The following SLC29A3 variants were observed in gnomAD, a reference collection of about 807,000 sequenced individuals.
SLC29A3 encodes solute carrier family 29 member 3, also known as equilibrative nucleoside transporter 3.
SLC29A3 carries 18 observed loss-of-function variants against 25.4 expected under a neutral mutation model. The observed-to-expected ratio is 0.71, with a 90% CI of 0.49 to 1.05. SLC29A3 has a LOEUF of 1.05. Ranked by LOEUF, SLC29A3 falls within the 50% of genes least tolerant of loss-of-function variation. SLC29A3 has a pLI of 0.00. For missense variants in SLC29A3, 586 were observed against 609.0 expected (o/e 0.96, Z 0.40); for synonymous variants, 258 against 267.1 (o/e 0.97, Z 0.33).
chr10:71,329,198 A>G (rs1458181833), intron 2 of SLC29A3, among the ~76,000 whole-genome samples: 1 of 152,198 alleles, frequency 6.6e-6, no homozygotes, highest in East Asian at 1.9e-4. Context: ...ATTTGCTAGC[A>G]AGTGATAGAA....
chr10:71,349,476 G>A (rs533963979), intron 3 of SLC29A3, among the ~76,000 whole-genome samples: 5 of 152,168 alleles, frequency 3.3e-5, no homozygotes, highest in African/African-American at 1.2e-4. Flanking sequence ...ATCCTATGTG[G>A]GTCACATGCT....
chr10:71,325,503 A>C (rs965528416), intron 2 of SLC29A3, among the ~76,000 whole-genome samples: 1 of 152,140 alleles, frequency 6.6e-6, no homozygotes, highest in Non-Finnish European at 1.5e-5. Flanking sequence ...CTGGGGTGTG[A>C]ACATTGATAT....
intron 2 of SLC29A3, among the ~76,000 whole-genome samples, chr10:71,333,316 AG>A (rs1846164052): frequency 1.3e-5 from 2 of 152,358 alleles, no homozygotes; most frequent in Admixed American, 1.3e-4. Flanking sequence ...GTGGAGGCAG[AG>A]GACAGCTGCT....
intron 3 of SLC29A3, among the ~76,000 whole-genome samples, chr10:71,348,962 A>T (rs1053424591): frequency 6.6e-6 from 1 of 152,288 alleles, no homozygotes; most frequent in East Asian, 1.9e-4. Flanking sequence ...CCTGCTGGGG[A>T]TCTTGGAGAG....
At chr10:71,365,235 AAG>A (rs1387091973), downstream of SLC29A3, 2 of 152,238 alleles carry the variant, frequency 1.3e-5, no homozygotes, top group Non-Finnish European at 2.9e-5. Context: ...CCGTCTCAAA[AAG>A]AAAAAAAGAA....
chr10:71,333,661 G>T (rs532434734), intron 2 of SLC29A3, among the ~76,000 whole-genome samples: 2 of 152,382 alleles, frequency 1.3e-5, no homozygotes, highest in South Asian at 4.1e-4. Flanking sequence ...GGATGCAGAA[G>T]CCTGCCCGGT....
rs749471122 is a variant in SLC29A3 at position 71,362,652 on chromosome 10, TGAGAA to T, written c.*49_*53del. ...ATTGGTGCTTCAGAGCCTTTGAAGA[TGAGAA>T]GAGAGTGCAGGAGGGCTGGGGGCCA... On this transcript the variant is annotated 3_prime_UTR_variant, in exon 6 of 6. Transcript: ENST00000373189. 3.3e-5 allele frequency: 53 copies of T among 1,612,716 alleles called. 1 individual carries two copies. In the South Asian group the frequency reaches 5.1e-4, roughly 15 times the overall value.
intron 4 of SLC29A3, among the ~76,000 whole-genome samples, chr10:71,376,658 C>CAAT (rs2131860742): frequency 6.6e-6 from 1 of 152,300 alleles, no homozygotes; most frequent in East Asian, 1.9e-4. Flanking sequence ...AGAGTTTATT[C>CAAT]AAGCCCAAAG....
At chr10:71,339,126 C>A (rs996197229) in intron 2 of SLC29A3, among the ~76,000 whole-genome samples, 1 of 152,252 alleles carries the variant, frequency 6.6e-6, no homozygotes, top group Non-Finnish European at 1.5e-5. Flanking sequence ...AATTCCTCTA[C>A]CTCTGTGAGC....
intron 3 of SLC29A3, among the ~76,000 whole-genome samples, chr10:71,347,364 AAG>A (rs1013469804): frequency 6.6e-5 from 10 of 152,130 alleles, no homozygotes; most frequent in African/African-American, 2.4e-4. Flanking sequence ...CAGCCTCTCC[AAG>A]AGTCTTCACA....
downstream of SLC29A3, among the ~76,000 whole-genome samples, chr10:71,364,089 C>T (rs1345769221): frequency 6.6e-6 from 1 of 152,094 alleles, no homozygotes; most frequent in Non-Finnish European, 1.5e-5. Context: ...AATAAATTCC[C>T]TCCATTCATC....
At chr10:71,369,837 G>T (rs1442018789) in intron 3 of SLC29A3, among the ~76,000 whole-genome samples, 1 of 152,248 alleles carries the variant, frequency 6.6e-6, no homozygotes, top group Admixed American at 6.5e-5. Flanking sequence ...AAGAGACCAT[G>T]TTAGAATTCA....
At chr10:71,339,723 C>T (rs1024582631) in intron 2 of SLC29A3, among the ~76,000 whole-genome samples, 6 of 152,026 alleles carry the variant, frequency 3.9e-5, no homozygotes, top group Admixed American at 6.6e-5. Flanking sequence ...TTGTGCCAGC[C>T]GTTCTGTCCT....
intron 2 of SLC29A3, among the ~76,000 whole-genome samples, chr10:71,341,415 T>C (rs909373276): frequency 1.3e-5 from 2 of 152,070 alleles, no homozygotes; most frequent in South Asian, 2.1e-4. Flanking sequence ...GAGGGTTTGG[T>C]GGGGAAGGGC....
chr10:71,332,130 C>G (rs966253877), intron 2 of SLC29A3, among the ~76,000 whole-genome samples: 2 of 150,514 alleles, frequency 1.3e-5, no homozygotes, highest in East Asian at 3.9e-4. Flanking sequence ...CTTTTTTCTT[C>G]TCTTTTCTTT....
chr10:71,346,871 G>A (rs943596273), intron 3 of SLC29A3, among the ~76,000 whole-genome samples: 11 of 152,322 alleles, frequency 7.2e-5, no homozygotes, highest in African/African-American at 2.4e-4. Flanking sequence ...TGCTGCGATG[G>A]AAGGGGGTGG....
intron 2 of SLC29A3, among the ~76,000 whole-genome samples, chr10:71,335,126 ACCACTGCTAC>A (rs1167287861): frequency 6.6e-6 from 1 of 151,952 alleles, no homozygotes; most frequent in African/African-American, 2.4e-5. Flanking sequence ...GAATAAATTA[ACCACTGCTAC>A]CTGCTTCTTC....
At chr10:71,367,985 G>A (rs1027162724), downstream of SLC29A3, among the ~76,000 whole-genome samples, 1 of 152,178 alleles carries the variant, frequency 6.6e-6, no homozygotes, top group Non-Finnish European at 1.5e-5. Context: ...CACTTTGGGA[G>A]GCTAAGGCGG....
chr10:71,329,134 C>T lies in SLC29A3; in HGVS notation c.300+6080C>T, dbSNP rs945496624. 2.0e-5 allele frequency among the ~76,000 whole-genome samples: 3 copies of T among 152,334 alleles called. 1 individual carries two copies. Among genetic ancestry groups the T allele is most frequent in the Middle Eastern group, 6.8e-3 (2 of 294 alleles). On this transcript the variant is annotated intron_variant, in intron 2 of 5. Transcript: ENST00000373189. ...TCCTGGTGAGCTAGGTGCTGCCATTCCAGTTGCCAAATGAAACCAAGGCTC... is the reference window on the plus strand; with the variant it reads ...TCCTGGTGAGCTAGGTGCTGCCATTTCAGTTGCCAAATGAAACCAAGGCTC...
Sources: allele counts gnomAD v4.1 joint callset (sites outside exome capture counted in the v4.1 genomes callset), GRCh38; gene constraint gnomAD v4.1.1; transcripts MANE v1.5; gene names NCBI Gene and HGNC (gene_info 2026-07-23, HGNC 2026-07-21).